DNAH10: variants seen among roughly 807,000 people sequenced by gnomAD.
The protein encoded by DNAH10 is axonemal beta dynein heavy chain 10.
In DNAH10, 348 loss-of-function variants were observed where a neutral mutation model predicts 506.6. The ratio of observed to expected loss-of-function variants is 0.69; its 90% CI spans 0.63 to 0.75. DNAH10 has a LOEUF of 0.75. DNAH10 is among the 30% of genes least tolerant of loss of function. The pLI is 0.00. For synonymous variants in DNAH10, 2,059 were observed against 2,198.6 expected (o/e 0.94, Z 1.78); for missense variants, 5,179 against 5,787.1 (o/e 0.89, Z 3.41).
At chr12:123,829,611 T>A (rs1417566210) in intron 25 of DNAH10, among the ~76,000 whole-genome samples, 1 of 152,204 alleles carries the variant, frequency 6.6e-6, no homozygotes, top group African/African-American at 2.4e-5. Flanking sequence ...CCCTTCAGTT[T>A]CAGTTCTGAC....
rs1434361988 is a variant in DNAH10, at chr12:123,800,247, T to C, written c.2321T>C (p.Leu774Ser). 4 of 1,613,974 alleles carry C rather than the reference T, an allele frequency of 2.5e-6. No homozygotes were observed. The Admixed American group carries it at 5.0e-5, about 20-fold the overall frequency. Residue 774 changes from leucine to serine, a missense_variant, in exon 15 of 79, where the codon TTA becomes TCA. By Grantham distance (145) the Leu-to-Ser change is moderately radical. Transcript: ENST00000673944. ...ATCGCCACAGAGGAGCCTTCGACTT[T>C]AGAAAGGGGAGCTGTTTTTGCAATC... The part of the protein sequence containing the change: ...SSIATEEPST[L>S]ERGAVFAINF...
At chr12:123,921,587 T>G (rs1269557239) in intron 65 of DNAH10, among the ~76,000 whole-genome samples, 1 of 152,088 alleles carries the variant, frequency 6.6e-6, no homozygotes, top group Non-Finnish European at 1.5e-5. Context: ...GCTTTTGATG[T>G]GTTCTGTGGT....
Position 123,928,311 on chromosome 12 carries a change from G to A in DNAH10, c.12106-76G>A. ...GAGCTGCCATCGCCCTTCTGTGGGT[G>A]TGGAGTGGGTCTCTGGAGAGCACGG... On this transcript the variant is annotated intron_variant, in intron 69 of 78. Transcript: ENST00000673944. This position sits in a 1 kb window ranked among gnomAD's most constrained non-coding sequence, Gnocchi z 4.9. 1 of 1,482,626 alleles carries A rather than the reference G, an allele frequency of 6.7e-7. No homozygotes were observed. The highest frequency in any genetic ancestry group is 1.3e-5 in the South Asian group (1 of 79,152). 91.8% of individuals were successfully genotyped at this position (1,482,626 alleles called of 1,614,324 possible). A position where few individuals can be genotyped will look rare whatever the true frequency, so the allele number is the denominator to read the frequency against.
intron 27 of DNAH10, among the ~76,000 whole-genome samples, chr12:123,834,217 A>AT (rs541258367): frequency 3.3e-5 from 5 of 151,576 alleles, no homozygotes; most frequent in Middle Eastern, 6.8e-3. Context: ...GTAAAAAACA[A>AT]TTTTTTTTTA....
intron 24 of DNAH10, among the ~76,000 whole-genome samples, chr12:123,824,568 G>A (rs1299964923): frequency 6.6e-6 from 1 of 152,182 alleles, no homozygotes; most frequent in Non-Finnish European, 1.5e-5. Context: ...GAAAACAACA[G>A]AAATGTATCT....
In DNAH10 at chr12:123,917,563, G is replaced by A. The variant is rs1954537842; in HGVS notation, c.11003-21G>A. ...TTGTTGGGGGCCGCAGGTGGTGAGG[G>A]CCTCTCACTGTCCCCCACAGTCACG... On this transcript the variant is annotated intron_variant, in intron 63 of 78. Transcript: ENST00000673944. The surrounding 1 kb of genome is among the most constrained non-coding windows in gnomAD (Gnocchi z 5.6). 1.3e-6 allele frequency: 2 copies of A among 1,548,500 alleles called. No homozygotes were observed. The highest frequency in any genetic ancestry group is 2.7e-5 in the African/African-American group (2 of 73,126).
At chr12:123,891,057 A>G (rs1168150643) in intron 52 of DNAH10, among the ~76,000 whole-genome samples, 2 of 152,174 alleles carry the variant, frequency 1.3e-5, no homozygotes, top group Non-Finnish European at 2.9e-5. Flanking sequence ...TCTGGAGGCC[A>G]GGAGCCCAAG....
chr12:123,865,248 C>T (rs1049239051), intron 40 of DNAH10, among the ~76,000 whole-genome samples: 1 of 142,986 alleles, frequency 7.0e-6, no homozygotes, highest in Non-Finnish European at 1.5e-5. Flanking sequence ...CACTATTTGC[C>T]TTTATTTTAA....
intron 41 of DNAH10, among the ~76,000 whole-genome samples, chr12:123,867,107 G>T (rs1415727806): frequency 5.3e-5 from 8 of 152,220 alleles, no homozygotes; most frequent in Non-Finnish European, 2.9e-5. Context: ...TTGGTGCTTT[G>T]ATAGGGAGGG....
intron 54 of DNAH10, 22 bp downstream of exon 54, chr12:123,894,745 A>T (rs759913015): frequency 6.2e-7 from 1 of 1,600,280 alleles, no homozygotes; most frequent in South Asian, 1.1e-5. Context: ...CTGTTATGGG[A>T]ACTGCATTAT....
intron 12 of DNAH10, 140 bp downstream of exon 12, chr12:123,794,252 C>A: frequency 1.9e-6 from 1 of 534,800 alleles, no homozygotes; most frequent in Non-Finnish European, 2.5e-6. Context: ...TTACGTAATA[C>A]ACGTAACCCG....
chr12:123,887,990 C>T (rs868522885), intron 52 of DNAH10, among the ~76,000 whole-genome samples: 12 of 152,258 alleles, frequency 7.9e-5, no homozygotes, highest in East Asian at 5.8e-4. Context: ...GTGATCCACC[C>T]GCATCGGCCT....
At chr12:123,833,962 C>T (rs1048690437) in intron 27 of DNAH10, among the ~76,000 whole-genome samples, 7 of 152,190 alleles carry the variant, frequency 4.6e-5, no homozygotes, top group South Asian at 2.1e-4. Flanking sequence ...AACCCAGGCT[C>T]ACTGCACCAT....
intron 51 of DNAH10, among the ~76,000 whole-genome samples, chr12:123,883,174 T>C (rs144271847): frequency 2.6e-5 from 4 of 152,374 alleles, no homozygotes; most frequent in African/African-American, 9.6e-5. Context: ...GCTGTGAGCT[T>C]TCATGCACAA....
chr12:123,815,886 T>C (rs1959128176), intron 21 of DNAH10, among the ~76,000 whole-genome samples: 4 of 152,210 alleles, frequency 2.6e-5, no homozygotes, highest in Admixed American at 2.6e-4. Flanking sequence ...AGCAATGTAA[T>C]ATAACAGTAA....
chr12:123,807,945 A>AGGTGGAGTGAGAGG (rs1958762190), intron 18 of DNAH10, among the ~76,000 whole-genome samples: 2 of 23,860 alleles, frequency 8.4e-5, no homozygotes, highest in African/African-American at 1.9e-4. Flanking sequence ...AAGGAGAAGG[A>AGGTGGAGTGAGAGG]GGGAGGGAGA....
intron 77 of DNAH10, chr12:123,934,089 G>A: frequency 1.6e-6 from 1 of 606,390 alleles, no homozygotes; most frequent in South Asian, 1.9e-5. Flanking sequence ...GACTCTCCAG[G>A]TCTCAGTGGC....
At chr12:123,764,882 G>A (rs115200946) in intron 1 of DNAH10, among the ~76,000 whole-genome samples, 1,740 of 152,168 alleles carry the variant, frequency 0.011, 26 homozygotes, top group African/African-American at 0.039. Flanking sequence ...AGATGGCGTC[G>A]GGTGTTGGGG....
rs1302441498 is a variant in DNAH10 at position 123,898,674 on chromosome 12, G to A, written c.9500G>A (p.Gly3167Glu). 3 of 1,591,526 alleles carry A rather than the reference G, an allele frequency of 1.9e-6. No homozygotes were observed. The South Asian group carries it at 3.4e-5, about 18-fold the overall frequency. Residue 3167 changes from glycine (G) to glutamate (E), a missense_variant, in exon 56 of 79, where the codon GGG becomes GAG. Around this residue, in one of 3 missense-constraint regions of DNAH10, gnomAD observed 4,844 missense variants for 5,430.5 expected, o/e 0.89. Coordinates refer to ENST00000673944, the MANE Select transcript of DNAH10 (RefSeq NM_001372106.1). ...CNIAQCKRLD[G>E]GLDKLKEATI... ...TCAGCTCAGTGCAAGCGTCTGGATG[G>A]GGGACTGGACAAGCTGAAGGAGGCC...
Sources: allele counts gnomAD v4.1 joint callset (sites outside exome capture counted in the v4.1 genomes callset), GRCh38; gene constraint gnomAD v4.1.1; regional missense constraint gnomAD v4.1.1; non-coding constraint Gnocchi (gnomAD v3.1); transcripts MANE v1.5; gene names NCBI Gene and HGNC (gene_info 2026-07-23, HGNC 2026-07-21).